GFM2: variants seen among roughly 807,000 people sequenced by gnomAD.
GFM2 encodes GTP dependent ribosome recycling factor mitochondrial 2.
GFM2 carries 72 observed loss-of-function variants against 95.4 expected under a neutral mutation model. The observed-to-expected ratio is 0.76, with a 90% CI of 0.62 to 0.92. The LOEUF (loss-of-function observed/expected upper bound fraction) is 0.92. GFM2 is among the 40% of genes least tolerant of loss of function. The pLI, the probability that GFM2 is intolerant of heterozygous loss-of-function variation, is 0.00. For missense variants in GFM2, 825 were observed against 924.1 expected, an observed-to-expected ratio of 0.89 and a Z score of 1.39; for synonymous variants, 276 against 317.5, an observed-to-expected ratio of 0.87 and a Z score of 1.39.
At chr5:74,742,226 C>T (rs1330037601) in intron 10 of GFM2, among the ~76,000 whole-genome samples, 2 of 149,950 alleles carry the variant, frequency 1.3e-5, no homozygotes, top group South Asian at 4.2e-4. Context: ...AAGCATATAA[C>T]AGTACAAGGG....
chr5:74,761,793 C>T (rs1034047568), intron 2 of GFM2, among the ~76,000 whole-genome samples: 1 of 152,132 alleles, frequency 6.6e-6, no homozygotes, highest in Non-Finnish European at 1.5e-5. Context: ...GCCCAGACCA[C>T]TAGATATACA....
At chr5:74,749,359 C>T (rs988904001) in intron 7 of GFM2, among the ~76,000 whole-genome samples, 2 of 152,154 alleles carry the variant, frequency 1.3e-5, no homozygotes, top group African/African-American at 2.4e-5. Context: ...TTTCTAGTTG[C>T]TCCACATCCT....
intron 7 of GFM2, 96 bp downstream of exon 7, chr5:74,750,483 A>T (rs1743639054): frequency 5.4e-6 from 4 of 744,396 alleles, no homozygotes; most frequent in African/African-American, 3.5e-5. Context: ...ATGTGAACTT[A>T]CCAAATAGAT....
At chr5:74,764,776 T>C (rs13189163) in intron 1 of GFM2, among the ~76,000 whole-genome samples, 1 of 142,626 alleles carries the variant, frequency 7.0e-6, no homozygotes, top group Non-Finnish European at 1.5e-5. Flanking sequence ...GTTCCCTTTG[T>C]TGTTTTTTTT....
At chr5:74,733,256 C>A in intron 15 of GFM2, 158 bp from the exon 16 acceptor site, 1 of 538,694 alleles carries the variant, frequency 1.9e-6, no homozygotes, top group Non-Finnish European at 3.3e-6. Context: ...TTTGGGAAGC[C>A]AAGACAGAAT....
chr5:74,763,526 G>C (rs536476458), intron 2 of GFM2, among the ~76,000 whole-genome samples, 154 bp downstream of exon 2: 4 of 151,966 alleles, frequency 2.6e-5, no homozygotes, highest in Non-Finnish European at 1.5e-5. Flanking sequence ...AATAAATTAA[G>C]GTAATTACTT....
chr5:74,759,431 T>C lies in GFM2; in HGVS notation c.149-5A>G, dbSNP rs373744247. 27 of 1,470,734 alleles carry C rather than the reference T, an allele frequency of 1.8e-5. No homozygotes were observed. Among genetic ancestry groups the C allele is most frequent in the Non-Finnish European group, 1.7e-5 (18 of 1,063,596 alleles). The allele number at this position is 1,470,734 out of a possible 1,614,324, so 91.1% of individuals were successfully genotyped here. Reference sequence around the variant, plus strand: ...TGATATCATTTCCTATTAAGCCTAATGAAAAGAAAGTTAAAATTGAACTGT... The same window carrying C: ...TGATATCATTTCCTATTAAGCCTAACGAAAAGAAAGTTAAAATTGAACTGT... On this transcript the variant is annotated splice_region_variant and splice_polypyrimidine_tract_variant and intron_variant, in intron 3 of 20. Transcript: ENST00000296805.
chr5:74,751,958 A>G (rs1743737343), intron 5 of GFM2, among the ~76,000 whole-genome samples: 1 of 152,174 alleles, frequency 6.6e-6, no homozygotes, highest in African/African-American at 2.4e-5. Context: ...TAGTAAAGCC[A>G]TCCTTGCTGG....
Position 74,738,315 on chromosome 5 carries a change from T to C in GFM2, c.1320+3A>G. The C allele has an allele frequency of 3.7e-6, 6 of 1,603,966 alleles. No homozygotes were observed. The highest frequency in any genetic ancestry group is 4.3e-6 in the Non-Finnish European group (5 of 1,174,518). ...TTCCTAGAGAAATCATTTGGTCACT[T>C]ACATGTTTAAGCCCAACAGTCAAAG... On this transcript the variant is annotated splice_donor_region_variant and intron_variant, in intron 14 of 20. Transcript: ENST00000296805.
chr5:74,727,624 T>C (rs1750208094), intron 17 of GFM2, among the ~76,000 whole-genome samples: 1 of 152,208 alleles, frequency 6.6e-6, no homozygotes, highest in South Asian at 2.1e-4. Flanking sequence ...GTATTCAAAT[T>C]AATCCAGATT....
intron 5 of GFM2, among the ~76,000 whole-genome samples, chr5:74,755,524 T>G (rs1056078051): frequency 1.3e-5 from 2 of 151,966 alleles, no homozygotes; most frequent in African/African-American, 4.8e-5. Flanking sequence ...TAAGCTCAAT[T>G]AGAAACAAAA....
rs35313753 is a variant in GFM2, at chr5:74,757,731, T to TAA, written c.304+1116_304+1117dup. Reference sequence around the variant, plus strand: ...GCAACAGAGCAAGAGCCTATGTCTCTAAAAAAAAAAAAAAAAAAAAAAAAA... The same window carrying TAA: ...GCAACAGAGCAAGAGCCTATGTCTCTAAAAAAAAAAAAAAAAAAAAAAAAAAA... On this transcript the variant is annotated intron_variant, in intron 5 of 20. Coordinates refer to ENST00000296805, the MANE Select transcript of GFM2 (RefSeq NM_032380.5). Among the ~76,000 whole-genome samples the TAA allele has an allele frequency of 1.5e-3, 135 of 89,164 alleles. 1 individual carries two copies. Among genetic ancestry groups the TAA allele is most frequent in the Non-Finnish European group, 2.3e-3 (105 of 44,882 alleles). 58.5% of individuals were successfully genotyped at this position (89,164 alleles called of 152,430 possible).
At chr5:74,748,777 A>C (rs1330075845) in intron 7 of GFM2, among the ~76,000 whole-genome samples, 1 of 151,542 alleles carries the variant, frequency 6.6e-6, no homozygotes, top group Non-Finnish European at 1.5e-5. Flanking sequence ...AGGCACAAGG[A>C]TCGCTTGAAC....
At chr5:74,742,847 T>G (rs1360955440) in intron 10 of GFM2, among the ~76,000 whole-genome samples, 2 of 152,026 alleles carry the variant, frequency 1.3e-5, no homozygotes, top group Non-Finnish European at 2.9e-5. Context: ...TTTTGTATTT[T>G]TAGTAGAGAC....
chr5:74,757,744 AAAAAAAAAAAAAATT>A (rs1410905618), intron 5 of GFM2, among the ~76,000 whole-genome samples: 1 of 150,830 alleles, frequency 6.6e-6, no homozygotes, highest in Non-Finnish European at 1.5e-5. Context: ...AAAAAAAAAA[AAAAAAAAAAAAAATT>A]AAAAAATTAA....
At chr5:74,747,580 C>T in intron 8 of GFM2, 112 bp downstream of exon 8, 1 of 607,310 alleles carries the variant, frequency 1.6e-6, no homozygotes, top group African/African-American at 1.9e-5. Context: ...AATATTTATA[C>T]CCTATAATAC....
intron 5 of GFM2, among the ~76,000 whole-genome samples, chr5:74,756,094 A>G (rs926173022): frequency 1.3e-5 from 2 of 152,188 alleles, no homozygotes; most frequent in Admixed American, 6.5e-5. Flanking sequence ...CATAAACAGA[A>G]TTAAAAACAA....
intron 16 of GFM2, among the ~76,000 whole-genome samples, chr5:74,731,593 G>T (rs535525970): frequency 6.6e-6 from 1 of 152,124 alleles, no homozygotes; most frequent in African/African-American, 2.4e-5. Flanking sequence ...AAATCCTTTT[G>T]CTGTAATAAA....
chr5:74,722,602 A>T, intron 19 of GFM2, 41 bp from the exon 20 acceptor site: 1 of 1,526,072 alleles, frequency 6.6e-7, no homozygotes, highest in Non-Finnish European at 8.9e-7. Flanking sequence ...TTCATAAATA[A>T]AAACTTAAAA....
Sources: gnomAD v4.1 joint callset for allele counts (sites outside exome capture counted in the v4.1 genomes callset) on GRCh38, gnomAD v4.1.1 for gene constraint, MANE v1.5 for transcripts, NCBI Gene and HGNC (gene_info 2026-07-23, HGNC 2026-07-21) for gene names.